CBLB: variants seen among roughly 807,000 people sequenced by gnomAD.
CBLB encodes the protein Cbl proto-oncogene B.
Under a neutral mutation model 104.9 loss-of-function variants are expected in CBLB, and 31 were observed. The ratio of observed to expected loss-of-function variants is 0.30; its 90% CI spans 0.22 to 0.40. The LOEUF (loss-of-function observed/expected upper bound fraction) is 0.40, where lower values mean the gene tolerates loss of function less well. Among genes scored for constraint, CBLB ranks in the 10% least tolerant of loss-of-function variants. The pLI is 1.00. For missense variants in CBLB, 1,062 were observed against 1,214.6 expected (o/e 0.87, Z 1.87); for synonymous variants, 440 against 422.6 (o/e 1.04, Z -0.51).
chr3:105,782,565 A>G (rs2080389588), intron 3 of CBLB, among the ~76,000 whole-genome samples: 1 of 148,028 alleles, frequency 6.8e-6, no homozygotes, highest in South Asian at 2.1e-4. Flanking sequence ...TCTCTGTAGT[A>G]TTCTTTTCTT....
chr3:105,819,663 T>A (rs1049619886), intron 3 of CBLB, among the ~76,000 whole-genome samples: 1 of 152,220 alleles, frequency 6.6e-6, no homozygotes, highest in Admixed American at 6.5e-5. Flanking sequence ...CAGGAATTGA[T>A]AAGAAGCAAA....
intron 4 of CBLB, among the ~76,000 whole-genome samples, chr3:105,775,263 A>T (rs1364711598): frequency 6.6e-6 from 1 of 152,158 alleles, no homozygotes; most frequent in Non-Finnish European, 1.5e-5. Flanking sequence ...AATATTTTGG[A>T]TGCCAAAAAA....
chr3:105,782,119 T>C (rs1252966985), intron 3 of CBLB, among the ~76,000 whole-genome samples: 3 of 152,194 alleles, frequency 2.0e-5, no homozygotes, highest in African/African-American at 4.8e-5. Context: ...TTTTCTCTCA[T>C]GGGAATAGAT....
intron 10 of CBLB, among the ~76,000 whole-genome samples, chr3:105,707,760 T>G (rs1341774444): frequency 1.3e-5 from 2 of 152,072 alleles, no homozygotes; most frequent in Non-Finnish European, 2.9e-5. Flanking sequence ...ATCCAGTCCA[T>G]AATTAATTTA....
chr3:105,751,657 G>A, intron 4 of CBLB, 39 bp from the exon 5 acceptor site: 1 of 1,559,118 alleles, frequency 6.4e-7, no homozygotes. Flanking sequence ...ATTGAATCAA[G>A]TATCATTTAA....
intron 17 of CBLB, among the ~76,000 whole-genome samples, chr3:105,678,151 G>A (rs2065874862): frequency 6.6e-6 from 1 of 152,114 alleles, no homozygotes; most frequent in Admixed American, 6.6e-5. Flanking sequence ...GGTTCTCAGG[G>A]TTGCATTTGT....
At chr3:105,837,881 T>C (rs2153089362) in intron 3 of CBLB, among the ~76,000 whole-genome samples, 1 of 152,252 alleles carries the variant, frequency 6.6e-6, no homozygotes, top group South Asian at 2.1e-4. Flanking sequence ...CACTTTCCAT[T>C]GTAACATCTC....
Position 105,656,111 on chromosome 3 carries a change from T to A in CBLB, c.*2859A>T, listed in dbSNP as rs915092990. The A allele has an allele frequency of 3.6e-5, 8 of 221,958 alleles. No homozygotes were observed. Among genetic ancestry groups the A allele is most frequent in the Non-Finnish European group, 7.2e-5 (8 of 111,004 alleles). 13.7% of individuals were successfully genotyped at this position (221,958 alleles called of 1,614,324 possible). A position where few individuals can be genotyped will look rare whatever the true frequency, so the allele number is the denominator to read the frequency against. Reference sequence around the variant, plus strand: ...TCAATTCTAGAAAAATTTGGTGAGATATATCATACATTAGGGGATAAAACA... The same window carrying A: ...TCAATTCTAGAAAAATTTGGTGAGAAATATCATACATTAGGGGATAAAACA... On this transcript the variant is annotated 3_prime_UTR_variant, in exon 19 of 19. Transcript: ENST00000394030.
At chr3:105,852,543 G>A (rs924941469) in intron 3 of CBLB, among the ~76,000 whole-genome samples, 1 of 152,052 alleles carries the variant, frequency 6.6e-6, no homozygotes, top group East Asian at 1.9e-4. Flanking sequence ...GTGACAGTAG[G>A]CTGTTCATAT....
intron 4 of CBLB, among the ~76,000 whole-genome samples, chr3:105,754,535 G>GAGAGAGAC (rs2076900783): frequency 1.7e-5 from 2 of 114,982 alleles, no homozygotes; most frequent in African/African-American, 6.3e-5. Flanking sequence ...GAGAGAGAGA[G>GAGAGAGAC]AGAGAGAGAG....
intron 2 of CBLB, among the ~76,000 whole-genome samples, chr3:105,861,704 C>CAGAT (rs1560576392): frequency 2.0e-5 from 3 of 150,616 alleles, no homozygotes; most frequent in African/African-American, 7.4e-5. Context: ...CACACACACA[C>CAGAT]ACATACATAC....
rs2152826503 is a variant in CBLB at position 105,720,174 on chromosome 3, T to A, written c.1280A>T (p.Asp427Val). Residue 427 changes from aspartate (D) to valine (V), a missense_variant, in exon 10 of 19, where the codon GAT (aspartate) becomes GTT (valine). This residue lies in a region of CBLB where 457 missense variants were observed against 632.0 expected (regional missense o/e 0.72). Transcript: ENST00000394030. ...GTEPIIVDPF[D>V]PRDEGSRCCS... ...ACACCTGGAGCCTTCATCTCTTGGA[T>A]CAAAGGGGTCCACGATTATGGGCTC... is the stretch of plus-strand genomic sequence containing the variant. 1 of 1,613,916 alleles carries A rather than the reference T, an allele frequency of 6.2e-7. No homozygotes were observed. Among genetic ancestry groups the A allele is most frequent in the Non-Finnish European group, 8.5e-7 (1 of 1,179,970 alleles).
intron 10 of CBLB, among the ~76,000 whole-genome samples, chr3:105,707,977 CTA>C (rs1278651870): frequency 6.6e-6 from 1 of 151,792 alleles, no homozygotes; most frequent in African/African-American, 2.4e-5. Context: ...TTTTAAAAGA[CTA>C]AATTCTAGAG....
chr3:105,720,340 A>C, intron 9 of CBLB, 90 bp from the exon 10 acceptor site: 1 of 1,287,402 alleles, frequency 7.8e-7, no homozygotes, highest in Non-Finnish European at 1.1e-6. Context: ...TAAAAGTCAC[A>C]CCCCCAAAAA....
At chr3:105,733,064 A>T (rs1041292441) in intron 9 of CBLB, among the ~76,000 whole-genome samples, 1 of 152,146 alleles carries the variant, frequency 6.6e-6, no homozygotes, top group Non-Finnish European at 1.5e-5. Context: ...TTTGTTACAG[A>T]TGAAGAAATA....
chr3:105,707,508 C>G (rs1388875267), intron 10 of CBLB, among the ~76,000 whole-genome samples: 5 of 152,074 alleles, frequency 3.3e-5, no homozygotes, highest in African/African-American at 4.8e-5. Flanking sequence ...GATAGTAATG[C>G]ATTATTCTTT....
At chr3:105,828,083 C>T (rs1043152289) in intron 3 of CBLB, among the ~76,000 whole-genome samples, 1 of 152,204 alleles carries the variant, frequency 6.6e-6, no homozygotes, top group Non-Finnish European at 1.5e-5. Context: ...CTTCTCCCAT[C>T]CCTGTTCCAT....
At chr3:105,701,107 C>G (rs1337047839) in intron 12 of CBLB, among the ~76,000 whole-genome samples, 1 of 152,190 alleles carries the variant, frequency 6.6e-6, no homozygotes, top group African/African-American at 2.4e-5. Context: ...GAAATTATTA[C>G]AGTATACCTC....
intron 9 of CBLB, 97 bp downstream of exon 9, chr3:105,733,912 C>T: frequency 9.0e-7 from 1 of 1,110,248 alleles, no homozygotes; most frequent in Non-Finnish European, 1.4e-6. Flanking sequence ...TCAAACAAAG[C>T]ACTTACCAGC....
Sources: allele counts gnomAD v4.1 joint callset (sites outside exome capture counted in the v4.1 genomes callset), GRCh38; gene constraint gnomAD v4.1.1; regional missense constraint gnomAD v4.1.1; transcripts MANE v1.5; gene names NCBI Gene and HGNC (gene_info 2026-07-23, HGNC 2026-07-21).